The following ATP9B variants were observed in gnomAD, a reference collection of about 807,000 sequenced individuals.
The protein encoded by ATP9B is ATPase phospholipid transporting 9B.
In ATP9B, 110 loss-of-function variants were observed where a neutral mutation model predicts 146.1. That is an observed-to-expected ratio of 0.75 (90% CI 0.65 to 0.88). The LOEUF (loss-of-function observed/expected upper bound fraction) is 0.88, where lower values mean the gene tolerates loss of function less well. Ranked by LOEUF, ATP9B falls within the 40% of genes least tolerant of loss-of-function variation. ATP9B has a pLI of 0.00. For missense variants in ATP9B, 1,499 were observed against 1,496.4 expected (o/e 1.00, Z -0.03); for synonymous variants, 604 against 569.7 (o/e 1.06, Z -0.86).
At chr18:79,225,530 A>G (rs1235599359) in intron 11 of ATP9B, among the ~76,000 whole-genome samples, 1 of 152,148 alleles carries the variant, frequency 6.6e-6, no homozygotes, top group African/African-American at 2.4e-5. Context: ...TTTCGAAACC[A>G]TGTTTTGGCC....
chr18:79,321,223 C>T (rs1483448621), intron 15 of ATP9B, among the ~76,000 whole-genome samples: 2 of 152,182 alleles, frequency 1.3e-5, no homozygotes, highest in East Asian at 1.9e-4. Context: ...GAGAATCTGC[C>T]GTGTCCGTGG....
At chr18:79,251,272 C>T (rs532473125) in intron 11 of ATP9B, among the ~76,000 whole-genome samples, 12 of 152,318 alleles carry the variant, frequency 7.9e-5, no homozygotes, top group South Asian at 2.1e-4. Context: ...AACCCACACT[C>T]GGCACACCAG....
intron 12 of ATP9B, among the ~76,000 whole-genome samples, chr18:79,262,736 C>T (rs1486577615): frequency 6.6e-6 from 1 of 152,200 alleles, no homozygotes; most frequent in East Asian, 1.9e-4. Context: ...CCCTGAGGGT[C>T]CAGCGTGGCT....
chr18:79,376,214 C>CACACACAA lies in ATP9B; in HGVS notation c.3307+789_3307+790insCACACAAA. The CACACACAA allele has an allele frequency of 6.2e-4, 543 of 882,372 alleles. 1 individual carries two copies. The highest frequency in any genetic ancestry group is 4.9e-3 in the Middle Eastern group (8 of 1,638). 54.7% of individuals were successfully genotyped at this position (882,372 alleles called of 1,614,324 possible). A position where few individuals can be genotyped will look rare whatever the true frequency, so the allele number is the denominator to read the frequency against. ...ACACACACACACACACACACACACA[C>CACACACAA]AAAACAAAACAAAAAAATGGCTAGC... On this transcript the variant is annotated intron_variant, in intron 29 of 29. Transcript: ENST00000426216.
At chr18:79,214,069 T>A (rs753675232) in intron 11 of ATP9B, 31 bp downstream of exon 11, 1 of 1,504,978 alleles carries the variant, frequency 6.6e-7, no homozygotes, top group Admixed American at 2.1e-5. Context: ...ACTGCTTTAA[T>A]GAACTTATTT....
intron 26 of ATP9B, among the ~76,000 whole-genome samples, chr18:79,369,052 C>G (rs1158771910): frequency 6.6e-6 from 1 of 152,066 alleles, no homozygotes; most frequent in South Asian, 2.1e-4. Context: ...CTTGCATCTG[C>G]CTATAGGATC....
At chr18:79,154,280 A>G (rs1163915487) in intron 6 of ATP9B, among the ~76,000 whole-genome samples, 1 of 152,134 alleles carries the variant, frequency 6.6e-6, no homozygotes, top group Non-Finnish European at 1.5e-5. Flanking sequence ...AGTCACTACT[A>G]CATACCATTA....
intron 9 of ATP9B, among the ~76,000 whole-genome samples, chr18:79,200,758 G>GGAACTGTCGGGGTCA (rs1450828837): frequency 1.3e-5 from 2 of 152,252 alleles, no homozygotes; most frequent in African/African-American, 2.4e-5. Context: ...GGTGGAGGTG[G>GGAACTGTCGGGGTCA]GAACGTTGGG....
chr18:79,154,224 G>A (rs939571212), intron 6 of ATP9B, among the ~76,000 whole-genome samples: 1 of 151,836 alleles, frequency 6.6e-6, no homozygotes, highest in African/African-American at 2.4e-5. Context: ...GCCTCCCAAG[G>A]TGCTGGAATT....
chr18:79,218,708 A>G (rs1179271749), intron 11 of ATP9B, among the ~76,000 whole-genome samples: 1 of 152,208 alleles, frequency 6.6e-6, no homozygotes, highest in Non-Finnish European at 1.5e-5. Flanking sequence ...TGTCTTGGAA[A>G]CACATTTCCA....
chr18:79,220,880 C>T (rs1236062021), intron 11 of ATP9B, among the ~76,000 whole-genome samples: 1 of 152,186 alleles, frequency 6.6e-6, no homozygotes, highest in East Asian at 1.9e-4. Context: ...CGCCCTCTTG[C>T]TGGGCCCTGC....
At chr18:79,094,498 G>A (rs957923712) in intron 1 of ATP9B, among the ~76,000 whole-genome samples, 1 of 152,134 alleles carries the variant, frequency 6.6e-6, no homozygotes, top group South Asian at 2.1e-4. Flanking sequence ...TACCAGGGAC[G>A]TCCACATCCT....
chr18:79,227,107 A>C (rs982586492), intron 11 of ATP9B, among the ~76,000 whole-genome samples: 5 of 151,730 alleles, frequency 3.3e-5, no homozygotes, highest in African/African-American at 1.2e-4. Context: ...TGACCTTTAC[A>C]TTGTCTCCTC....
chr18:79,095,406 C>A (rs2146747237), intron 1 of ATP9B, among the ~76,000 whole-genome samples: 1 of 152,280 alleles, frequency 6.6e-6, no homozygotes, highest in Non-Finnish European at 1.5e-5. Flanking sequence ...GGCCCCCAGT[C>A]CTGTTTTCCC....
At chr18:79,181,323 A>G (rs1276387928) in intron 8 of ATP9B, among the ~76,000 whole-genome samples, 2 of 151,894 alleles carry the variant, frequency 1.3e-5, no homozygotes, top group Non-Finnish European at 2.9e-5. Flanking sequence ...GTGTTGATGC[A>G]TTTTCATTTG....
At chr18:79,190,132 T>C (rs904747774) in intron 8 of ATP9B, among the ~76,000 whole-genome samples, 5 of 152,204 alleles carry the variant, frequency 3.3e-5, no homozygotes, top group Non-Finnish European at 5.9e-5. Flanking sequence ...TACTGCATCT[T>C]CAGGATCATT....
At chr18:79,225,553 G>A (rs2095720660) in intron 11 of ATP9B, among the ~76,000 whole-genome samples, 1 of 152,220 alleles carries the variant, frequency 6.6e-6, no homozygotes, top group South Asian at 2.1e-4. Context: ...GCAGTTGTAG[G>A]ACGGCCACTG....
At chr18:79,334,597 C>T (rs1217373553) in intron 17 of ATP9B, among the ~76,000 whole-genome samples, 3 of 151,840 alleles carry the variant, frequency 2.0e-5, no homozygotes, top group East Asian at 1.9e-4. Context: ...GGGGTTGTCT[C>T]CTGACAGCCC....
intron 13 of ATP9B, among the ~76,000 whole-genome samples, chr18:79,287,083 T>C (rs1335826780): frequency 1.3e-5 from 2 of 152,222 alleles, no homozygotes; most frequent in African/African-American, 4.8e-5. Flanking sequence ...AATTCTCTTT[T>C]TTGGTTGTGT....
Sources: gnomAD v4.1 joint callset for allele counts (sites outside exome capture counted in the v4.1 genomes callset) on GRCh38, gnomAD v4.1.1 for gene constraint, MANE v1.5 for transcripts, NCBI Gene and HGNC (gene_info 2026-07-23, HGNC 2026-07-21) for gene names.